The following GLTP variants were observed in gnomAD, a reference collection of about 807,000 sequenced individuals.
The protein encoded by GLTP is glycolipid transfer protein.
A neutral mutation model predicts 24.0 loss-of-function variants in GLTP; 22 were observed. That is an observed-to-expected ratio of 0.92 (90% confidence interval 0.65 to 1.31). GLTP has a LOEUF of 1.31. Among genes scored for constraint, GLTP ranks in the 50% most tolerant of loss-of-function variants. The pLI is 0.00. For missense variants in GLTP, 224 were observed against 276.6 expected (o/e 0.81, Z 1.35); for synonymous variants, 92 against 115.9 (o/e 0.79, Z 1.33).
At chr12:109,864,639 G>A (rs568404172) in intron 1 of GLTP, among the ~76,000 whole-genome samples, 17 of 152,080 alleles carry the variant, frequency 1.1e-4, no homozygotes, top group Non-Finnish European at 1.8e-4. Context: ...ACACTCCAGG[G>A]AGTGCCAGGA....
intron 1 of GLTP, among the ~76,000 whole-genome samples, chr12:109,879,673 T>G (rs1869001755): frequency 6.6e-6 from 1 of 152,126 alleles, no homozygotes; most frequent in African/African-American, 2.4e-5. Context: ...CAACTCCATC[T>G]TCAAAACCCT....
At chr12:109,865,830 C>T (rs2136046319) in intron 1 of GLTP, among the ~76,000 whole-genome samples, 1 of 152,320 alleles carries the variant, frequency 6.6e-6, no homozygotes, top group South Asian at 2.1e-4. Flanking sequence ...ACAGTAAAGC[C>T]TTGGTTATCT....
intron 3 of GLTP, among the ~76,000 whole-genome samples, chr12:109,856,139 G>A (rs1033728072): frequency 6.6e-6 from 1 of 152,082 alleles, no homozygotes; most frequent in Non-Finnish European, 1.5e-5. Flanking sequence ...GCTGGCCCTC[G>A]AAGGGTTCGC....
chr12:109,874,036 A>G (rs556452713), intron 1 of GLTP, among the ~76,000 whole-genome samples: 1 of 152,354 alleles, frequency 6.6e-6, no homozygotes, highest in East Asian at 1.9e-4. Context: ...CCATGGTGCC[A>G]GCAGAACCAC....
intron 3 of GLTP, among the ~76,000 whole-genome samples, chr12:109,856,320 G>A (rs1432085099): frequency 6.6e-6 from 1 of 152,172 alleles, no homozygotes; most frequent in Admixed American, 6.5e-5. Context: ...TTTCCTCAAG[G>A]GGCAGGGTGA....
chr12:109,876,469 C>A (rs933460265), intron 1 of GLTP, among the ~76,000 whole-genome samples: 4 of 151,608 alleles, frequency 2.6e-5, no homozygotes, highest in Non-Finnish European at 2.9e-5. Context: ...CCACTCCAGC[C>A]TGGGTGACAT....
At position 109,857,968 on chromosome 12, in the gene GLTP, A is replaced by G. The variant is rs1186105885; in HGVS notation, c.163-309T>C. ...TTGCCCAAGGTCACACAGTTGGTACAGAGTTCATGTTCTCCAGCCACTACT... is the reference window on the plus strand; with the variant it reads ...TTGCCCAAGGTCACACAGTTGGTACGGAGTTCATGTTCTCCAGCCACTACT... On this transcript the variant is annotated intron_variant, in intron 2 of 4. Transcript: ENST00000318348. This position sits in a 1 kb window ranked among gnomAD's most constrained non-coding sequence, Gnocchi z 4.3. 9.0e-6 allele frequency: 4 copies of G among 444,994 alleles called. No homozygotes were observed. The highest frequency in any genetic ancestry group is 1.3e-5 in the Non-Finnish European group (3 of 235,242). The allele number at this position is 444,994 out of a possible 1,614,324, so 27.6% of individuals were successfully genotyped here.
Position 109,865,033 on chromosome 12 carries a change from C to A in GLTP, c.104-6292G>T, listed in dbSNP as rs568785986. On this transcript the variant is annotated intron_variant, in intron 1 of 4. Transcript: ENST00000318348. ...CAGCCTCTAAGAGTTTAAATTCAAG[C>A]CTGTGCCTGCTCTGAATACAGCATG... Among the ~76,000 whole-genome samples the A allele has an allele frequency of 6.0e-4, 92 of 152,216 alleles. 2 individuals carry two copies. In the South Asian group the frequency reaches 0.018, roughly 29 times the overall value.
rs34365376 is a variant in GLTP at position 109,851,850 on chromosome 12, CT to C, written c.*704del. Reference sequence around the variant, plus strand: ...CTGACCTCAAGTAATCCACCCACCTCTTTTTTTTTTTTTTGAGACAGAGTTT... The same window carrying C: ...CTGACCTCAAGTAATCCACCCACCTCTTTTTTTTTTTTTGAGACAGAGTTT... On this transcript the variant is annotated 3_prime_UTR_variant, in exon 5 of 5. Transcript: ENST00000318348. 0.66 allele frequency: 89,414 copies of C among 134,748 alleles called. 30,411 individuals are homozygous for C. The highest frequency in any genetic ancestry group is 0.87 in the African/African-American group (31,020 of 35,486). The allele number at this position is 134,748 out of a possible 1,614,324, so 8.3% of individuals were successfully genotyped here.
rs144778841 is a variant in GLTP at position 109,857,600 on chromosome 12, C to T, written c.222G>A (p.Leu74=). Residue 74 remains leucine (L), a synonymous_variant, in exon 3 of 5, where the codon CTG becomes CTA. Coordinates refer to ENST00000318348, the MANE Select transcript of GLTP (RefSeq NM_016433.4). This position sits in a 1 kb window ranked among gnomAD's most constrained non-coding sequence, Gnocchi z 4.3. ...CTCCATACATTTCTTTCTCCACCTC[C>T]AGGATGTTCTGCAGGGTCCGGAACT... The part of the protein sequence containing the change: ...PAKFRTLQNI[L]EVEKEMYGAE... The T allele has an allele frequency of 1.2e-5, 20 of 1,614,078 alleles. No homozygotes were observed. The Middle Eastern group carries it at 6.6e-4, about 53-fold the overall frequency.
At chr12:109,871,144 C>T (rs1592893645) in intron 1 of GLTP, among the ~76,000 whole-genome samples, 1 of 139,240 alleles carries the variant, frequency 7.2e-6, no homozygotes, top group East Asian at 2.1e-4. Flanking sequence ...GGAGTAGTGG[C>T]GTGATCTCGA....
chr12:109,867,100 C>T (rs1361563871), intron 1 of GLTP, among the ~76,000 whole-genome samples: 1 of 151,342 alleles, frequency 6.6e-6, no homozygotes, highest in Admixed American at 6.6e-5. Flanking sequence ...TTTTTTAAAA[C>T]TCCTGTTGAT....
chr12:109,858,867 G>T, intron 1 of GLTP, 126 bp from the exon 2 acceptor site: 1 of 708,712 alleles, frequency 1.4e-6, no homozygotes. Flanking sequence ...GAGTTGTTCT[G>T]GATGTTACTA....
intron 4 of GLTP, 38 bp from the exon 5 acceptor site, chr12:109,852,775 G>C (rs778970327): frequency 2.7e-6 from 4 of 1,463,574 alleles, no homozygotes; most frequent in African/African-American, 1.4e-5. Context: ...CACAGCGTTA[G>C]CGGGGGCTGA....
In GLTP at chr12:109,852,373, CAAAAA is replaced by C. The variant is rs56313678; in HGVS notation, c.*177_*181del. 444 of 283,762 alleles carry C rather than the reference CAAAAA, an allele frequency of 1.6e-3. 2 individuals carry two copies. Among genetic ancestry groups the C allele is most frequent in the South Asian group, 0.01 (201 of 19,468 alleles). The allele number at this position is 283,762 out of a possible 1,614,324, so 17.6% of individuals were successfully genotyped here. A position where few individuals can be genotyped will look rare whatever the true frequency, so the allele number is the denominator to read the frequency against. On this transcript the variant is annotated 3_prime_UTR_variant, in exon 5 of 5. Coordinates refer to ENST00000318348, the MANE Select transcript of GLTP (RefSeq NM_016433.4). ...TATTTACTGGTCCTTTAGAATAGAC[CAAAAA>C]AAAAAAAAAAAAAGACTTAAAAAAC...
intron 1 of GLTP, among the ~76,000 whole-genome samples, chr12:109,872,958 G>A (rs775049247): frequency 6.6e-6 from 1 of 152,200 alleles, no homozygotes; most frequent in Non-Finnish European, 1.5e-5. Context: ...GCCCAGGACC[G>A]CTTTGAATGT....
intron 1 of GLTP, among the ~76,000 whole-genome samples, chr12:109,873,672 C>T (rs771993370): frequency 2.6e-5 from 4 of 151,066 alleles, no homozygotes; most frequent in Admixed American, 6.6e-5. Context: ...AGTTGAGCGC[C>T]GTGGCACACG....
intron 1 of GLTP, among the ~76,000 whole-genome samples, chr12:109,859,309 C>A (rs1027461700): frequency 6.6e-6 from 1 of 152,228 alleles, no homozygotes; most frequent in Non-Finnish European, 1.5e-5. Flanking sequence ...CACTTGAAGT[C>A]AGGAGTTCAA....
rs764789806 is a variant in GLTP at position 109,856,789 on chromosome 12, G to GTGCCTCACACC, written c.296+726_296+736dup. The stretch of plus-strand genomic sequence containing the variant: ...GAACTCCTCCTCACGGCCGGGCACG[G>GTGCCTCACACC]TGCCTCACACCTGCCTCACACGGAT... On this transcript the variant is annotated intron_variant, in intron 3 of 4. Transcript: ENST00000318348. Among the ~76,000 whole-genome samples, 11 of 152,178 alleles carry GTGCCTCACACC rather than the reference G, an allele frequency of 7.2e-5. No homozygotes were observed. In the East Asian group the frequency reaches 1.3e-3, roughly 19 times the overall value.
Sources: allele counts gnomAD v4.1 joint callset (sites outside exome capture counted in the v4.1 genomes callset), GRCh38; gene constraint gnomAD v4.1.1; non-coding constraint Gnocchi (gnomAD v3.1); transcripts MANE v1.5; gene names NCBI Gene and HGNC (gene_info 2026-07-23, HGNC 2026-07-21).